SIN3B: variants seen among roughly 807,000 people sequenced by gnomAD.
The protein encoded by SIN3B is paired amphipathic helix protein Sin3b.
Under a neutral mutation model 120.2 loss-of-function variants are expected in SIN3B, and 19 were observed. The observed-to-expected ratio is 0.16, with a 90% CI of 0.11 to 0.23. SIN3B has a LOEUF of 0.23. Ranked by LOEUF, SIN3B falls within the 10% of genes least tolerant of loss-of-function variation. SIN3B has a pLI of 1.00. For synonymous variants in SIN3B, 654 were observed against 653.2 expected, an observed-to-expected ratio of 1.00 and a Z score of -0.02; for missense variants, 1,073 against 1,573.0, an observed-to-expected ratio of 0.68 and a Z score of 5.38.
At chr19:16,863,353 A>G in intron 9 of SIN3B, 1 of 479,308 alleles carries the variant, frequency 2.1e-6, no homozygotes, top group Non-Finnish European at 3.7e-6. Flanking sequence ...CAGCATTTAC[A>G]TTGCATTAGG....
chr19:16,855,189 C>G (rs1020933858), intron 8 of SIN3B: 2 of 152,060 alleles, frequency 1.3e-5, no homozygotes, highest in African/African-American at 4.8e-5. Flanking sequence ...GTTGTGCGTC[C>G]GCCACAGTGA....
At chr19:16,877,779 G>A (rs1183384207) in intron 17 of SIN3B, 140 bp downstream of exon 17, 1 of 675,090 alleles carries the variant, frequency 1.5e-6, no homozygotes, top group East Asian at 2.7e-5. Flanking sequence ...GGCAGGCCCT[G>A]CCCTTTTGAG....
At chr19:16,860,854 A>T (rs1041796689) in intron 8 of SIN3B, among the ~76,000 whole-genome samples, 2 of 151,494 alleles carry the variant, frequency 1.3e-5, no homozygotes, top group Non-Finnish European at 2.9e-5. Context: ...CGGCCTCCCA[A>T]AGTTCTGGGA....
chr19:16,865,353 C>A, intron 10 of SIN3B, 57 bp from the exon 11 acceptor site: 1 of 1,065,280 alleles, frequency 9.4e-7, no homozygotes, highest in South Asian at 1.3e-5. Context: ...CCAGGCTCCT[C>A]TCTGAGGCCT....
At chr19:16,857,692 AC>A (rs1971635518) in intron 8 of SIN3B, among the ~76,000 whole-genome samples, 1 of 151,980 alleles carries the variant, frequency 6.6e-6, no homozygotes, top group Non-Finnish European at 1.5e-5. Context: ...CTCCAGGAGC[AC>A]CCCCGCATAC....
intron 14 of SIN3B, among the ~76,000 whole-genome samples, chr19:16,873,839 C>T (rs868704420): frequency 6.6e-6 from 1 of 152,192 alleles, no homozygotes; most frequent in South Asian, 2.1e-4. Context: ...TAACCTGCCT[C>T]GAGGCCATGT....
At chr19:16,850,868 G>A (rs1971535365) in intron 5 of SIN3B, among the ~76,000 whole-genome samples, 1 of 152,208 alleles carries the variant, frequency 6.6e-6, no homozygotes, top group Admixed American at 6.5e-5. Flanking sequence ...TGGGAGGCAG[G>A]CCCCGAACCA....
chr19:16,860,287 A>G (rs1307957691), intron 8 of SIN3B, among the ~76,000 whole-genome samples: 34 of 152,204 alleles, frequency 2.2e-4, no homozygotes, highest in Non-Finnish European at 5.9e-5. Flanking sequence ...GGCCCAGGGA[A>G]CTGCCCCTCG....
intron 10 of SIN3B, 73 bp from the exon 11 acceptor site, chr19:16,865,337 G>T: frequency 1.1e-5 from 9 of 840,702 alleles, no homozygotes; most frequent in South Asian, 5.3e-5. Flanking sequence ...TCTGGTCTCT[G>T]AGGTCCCAGG....
intron 11 of SIN3B, 88 bp downstream of exon 11, chr19:16,865,736 C>T (rs1971763157): frequency 2.2e-6 from 2 of 921,726 alleles, no homozygotes; most frequent in Admixed American, 4.6e-5. Flanking sequence ...GCAGGGAGCC[C>T]TTGGAGAGCT....
chr19:16,841,615 C>G (rs1466440449), intron 3 of SIN3B, among the ~76,000 whole-genome samples, 153 bp from the exon 4 acceptor site: 1 of 152,142 alleles, frequency 6.6e-6, no homozygotes, highest in East Asian at 1.9e-4. Context: ...TGCTTGCCTC[C>G]AGGCTCTCAG....
Position 16,869,728 on chromosome 19 carries a change from C to T in SIN3B, c.2075C>T (p.Thr692Ile), listed in dbSNP as rs2051481998. 2 of 1,613,360 alleles carry T rather than the reference C, an allele frequency of 1.2e-6. No homozygotes were observed. The highest frequency in any genetic ancestry group is 1.7e-6 in the Non-Finnish European group (2 of 1,179,988). The stretch of plus-strand genomic sequence containing the variant: ...GACCGGGACAGCCCCCAGGGGCAGA[C>T]CACAGACCCCAGTGAGCGGAAGAAG... ...DEDRDSPQGQ[T>I]TDPSERKKPA... The change falls in exon 13 of 19, where the codon ACC becomes ATC. Residue 692 changes from threonine (T) to isoleucine (I), a missense_variant. By Grantham distance (89) the Thr-to-Ile change is moderately conservative. Transcript: ENST00000248054.
chr19:16,843,685 T>C (rs1971445986), intron 4 of SIN3B, among the ~76,000 whole-genome samples: 1 of 152,146 alleles, frequency 6.6e-6, no homozygotes, highest in Non-Finnish European at 1.5e-5. Context: ...AAGGTCACAA[T>C]GAGGGGTTGC....
chr19:16,869,514 A>G lies in SIN3B; in HGVS notation c.1861A>G (p.Ile621Val). ...RSAPSSEPHL[I>V]FVYEDRQILE... ...TGCCCCCTCTAGCGAGCCGCACCTC[A>G]TCTTTGTGTACGAGGACCGGCAGAT... Residue 621 changes from isoleucine (I) to valine (V), a missense_variant, in exon 13 of 19, where the codon ATC (isoleucine) becomes GTC (valine). This residue lies in a region of SIN3B where 169 missense variants were observed against 207.3 expected (regional missense o/e 0.82). Transcript: ENST00000248054. 6.2e-7 allele frequency: 1 copy of G among 1,613,786 alleles called. No homozygotes were observed.
rs371285274 is a variant in SIN3B, at chr19:16,831,541, A to G, written c.275A>G (p.Glu92Gly). The G allele has an allele frequency of 5.0e-6, 8 of 1,613,960 alleles. No homozygotes were observed. The highest frequency in any genetic ancestry group is 1.6e-4 in the Middle Eastern group (1 of 6,084). The change falls in exon 3 of 19, where the codon GAG becomes GGG. Residue 92 changes from glutamate (E) to glycine (G), a missense_variant. By Grantham distance (98) the Glu-to-Gly change is moderately conservative. Coordinates refer to ENST00000248054, the MANE Select transcript of SIN3B (RefSeq NM_001297595.2). ...AGACGTGTCTCGCAGCTCTTCCACGAGCACCCTGACCTCATTGTTGGATTC... is the reference window on the plus strand; with the variant it reads ...AGACGTGTCTCGCAGCTCTTCCACGGGCACCCTGACCTCATTGTTGGATTC... ...VIRRVSQLFH[E>G]HPDLIVGFNA... is the part of the protein sequence containing the mutation.
intron 7 of SIN3B, among the ~76,000 whole-genome samples, chr19:16,853,934 T>G (rs1473212553): frequency 6.6e-6 from 1 of 151,444 alleles, no homozygotes; most frequent in Non-Finnish European, 1.5e-5. Flanking sequence ...GTGCACGGGC[T>G]GTGAATTGCT....
At chr19:16,851,179 G>T (rs77663186) in intron 5 of SIN3B, among the ~76,000 whole-genome samples, 2 of 152,186 alleles carry the variant, frequency 1.3e-5, no homozygotes, top group Non-Finnish European at 2.9e-5. Context: ...ATCCATAAAG[G>T]CCTCACAGGA....
chr19:16,830,020 T>A, intron 2 of SIN3B, 123 bp downstream of exon 2: 2 of 661,140 alleles, frequency 3.0e-6, no homozygotes, highest in Non-Finnish European at 5.5e-6. Flanking sequence ...GGTTGTCCAA[T>A]CTCTCAGAGC....
chr19:16,866,649 C>A, intron 12 of SIN3B, 93 bp downstream of exon 12: 3 of 1,295,934 alleles, frequency 2.3e-6, no homozygotes, highest in Non-Finnish European at 3.3e-6. Context: ...GGTGGTTAGG[C>A]AGGGTAGTGG....
Sources: gnomAD v4.1 joint callset for allele counts (sites outside exome capture counted in the v4.1 genomes callset) on GRCh38, gnomAD v4.1.1 for gene constraint, gnomAD v4.1.1 regional missense constraint, MANE v1.5 for transcripts, NCBI Gene and HGNC (gene_info 2026-07-23, HGNC 2026-07-21) for gene names.